The following ADAP1 variants were observed in gnomAD, a reference collection of about 807,000 sequenced individuals.
ADAP1 encodes ArfGAP with dual PH domains 1.
Under a neutral mutation model 54.9 loss-of-function variants are expected in ADAP1, and 31 were observed. That is an observed-to-expected ratio of 0.56 (90% CI 0.42 to 0.76). The LOEUF (loss-of-function observed/expected upper bound fraction) is 0.76. Among genes scored for constraint, ADAP1 ranks in the 30% least tolerant of loss-of-function variants. ADAP1 has a pLI of 0.00. For synonymous variants in ADAP1, 313 were observed against 202.6 expected, an observed-to-expected ratio of 1.55 and a Z score of -4.63; for missense variants, 535 against 512.4, an observed-to-expected ratio of 1.04 and a Z score of -0.42.
At position 920,783 on chromosome 7, in the gene ADAP1, C is replaced by A. The variant is rs767538097; in HGVS notation, c.306-733G>T. The A allele has an allele frequency of 6.5e-7, 1 of 1,549,642 alleles. No individual in the cohort carries two copies. The highest frequency in any genetic ancestry group is 8.7e-7 in the Non-Finnish European group (1 of 1,146,576). On this transcript the variant is annotated intron_variant, in intron 3 of 10. Coordinates refer to ENST00000265846, the MANE Select transcript of ADAP1 (RefSeq NM_006869.4). This position sits in a 1 kb window ranked among gnomAD's most constrained non-coding sequence, Gnocchi z 4.5. ...CGGCCTCCCCATCCACCGTGACTCACTCGAGTGAAGCCAATACCATTGCAG... is the reference window on the plus strand; with the variant it reads ...CGGCCTCCCCATCCACCGTGACTCAATCGAGTGAAGCCAATACCATTGCAG...
chr7:903,409 T>C (rs931778755), intron 6 of ADAP1, among the ~76,000 whole-genome samples: 4 of 152,112 alleles, frequency 2.6e-5, no homozygotes, highest in South Asian at 2.1e-4. Flanking sequence ...TATTTTTGGA[T>C]ATGGGGACCA....
intron 2 of ADAP1, among the ~76,000 whole-genome samples, chr7:928,051 CAAAA>C (rs5881886): frequency 3.5e-4 from 37 of 104,538 alleles, no homozygotes; most frequent in African/African-American, 1.1e-3. Context: ...CCCTGTCTCT[CAAAA>C]AAAAAAAAAA....
At chr7:905,330 A>C in intron 4 of ADAP1, 158 bp from the exon 5 acceptor site, 1 of 400,550 alleles carries the variant, frequency 2.5e-6, no homozygotes, top group South Asian at 2.7e-5. Context: ...GGGGACATGG[A>C]GGAGACAGGG....
intron 1 of ADAP1, among the ~76,000 whole-genome samples, chr7:944,255 C>CA (rs1847083218): frequency 7.4e-6 from 1 of 135,434 alleles, no homozygotes. Context: ...TATTTTTAAC[C>CA]TTTTTTTTTT....
Position 899,170 on chromosome 7 carries a change from T to G in ADAP1, c.959A>C (p.His320Pro). 1 of 1,612,094 alleles carries G rather than the reference T, an allele frequency of 6.2e-7. No individual in the cohort carries two copies. The highest frequency in any genetic ancestry group is 1.3e-5 in the African/African-American group (1 of 75,066). ...GACGATGGTGATGCCATGTGGCCAG[T>G]GGTGGCCCTGGGTGGACGGCGGGAA... ...HGFPPSTQGH[H>P]WPHGITIVTP... The change falls in exon 10 of 11, where the codon CAC becomes CCC. Residue 320 changes from histidine to proline, a missense_variant. Coordinates refer to ENST00000265846, the MANE Select transcript of ADAP1 (RefSeq NM_006869.4).
At chr7:939,306 G>A (rs1293220039) in intron 1 of ADAP1, among the ~76,000 whole-genome samples, 1 of 151,992 alleles carries the variant, frequency 6.6e-6, no homozygotes, top group East Asian at 2.0e-4. Flanking sequence ...TGCAACTTCT[G>A]CCTCCCAGGT....
At position 926,264 on chromosome 7, in the gene ADAP1, T is replaced by C. The variant is rs1463428937; in HGVS notation, c.305+289A>G. ...CGCCAGGAGCACCTGGGAGGGCCCC[T>C]CAGATCCACCCGAGACCCCCAAGGC... On this transcript the variant is annotated intron_variant, in intron 3 of 10. Coordinates refer to ENST00000265846, the MANE Select transcript of ADAP1 (RefSeq NM_006869.4). The surrounding 1 kb of genome is among the most constrained non-coding windows in gnomAD (Gnocchi z 4.6). 1.3e-5 allele frequency among the ~76,000 whole-genome samples: 2 copies of C among 150,376 alleles called. No homozygotes were observed. The highest frequency in any genetic ancestry group is 3.0e-5 in the Non-Finnish European group (2 of 67,508).
chr7:899,533 A>G, intron 8 of ADAP1, 43 bp from the exon 9 acceptor site: 2 of 1,594,230 alleles, frequency 1.3e-6, no homozygotes, highest in South Asian at 2.3e-5. Flanking sequence ...TCGCCGAGGC[A>G]GGCCCTACAT....
intron 3 of ADAP1, among the ~76,000 whole-genome samples, chr7:921,399 G>C (rs1395182439): frequency 6.6e-6 from 1 of 152,236 alleles, no homozygotes; most frequent in Non-Finnish European, 1.5e-5. Flanking sequence ...ACAGCTCAAC[G>C]CAGCCTCCAA....
At chr7:931,022 G>A (rs1375375017) in intron 2 of ADAP1, among the ~76,000 whole-genome samples, 2 of 150,868 alleles carry the variant, frequency 1.3e-5, no homozygotes, top group East Asian at 3.9e-4. Context: ...AGGAGGGTAG[G>A]GAGGGACGGA....
chr7:903,836 A>C, intron 6 of ADAP1: 2 of 344,420 alleles, frequency 5.8e-6, no homozygotes, highest in South Asian at 6.2e-5. Context: ...GACAGGGCCA[A>C]GCTGGGTGGC....
chr7:942,966 T>A (rs201109492), intron 1 of ADAP1, among the ~76,000 whole-genome samples: 86 of 6,094 alleles, frequency 0.014, no homozygotes, highest in East Asian at 0.053. Flanking sequence ...AGGAAGGGAG[T>A]GAGGAGGAGG....
At chr7:919,412 G>A (rs1040309159) in intron 4 of ADAP1, among the ~76,000 whole-genome samples, 10 of 151,996 alleles carry the variant, frequency 6.6e-5, no homozygotes, top group Non-Finnish European at 1.2e-4. Flanking sequence ...AGACAGCTGT[G>A]GCGACCCCAA....
At chr7:910,134 G>A (rs1386895856) in intron 4 of ADAP1, among the ~76,000 whole-genome samples, 1 of 152,222 alleles carries the variant, frequency 6.6e-6, no homozygotes, top group Non-Finnish European at 1.5e-5. Context: ...GGGGATGTAA[G>A]GTGCCCCAGT....
intron 4 of ADAP1, among the ~76,000 whole-genome samples, chr7:905,983 GGAAAGGA>G (rs1188942241): frequency 3.1e-4 from 3 of 9,794 alleles, no homozygotes; most frequent in Non-Finnish European, 1.1e-3. Context: ...AAGGAGAAAG[GGAAAGGA>G]GAAAGGAGAA....
intron 2 of ADAP1, 146 bp downstream of exon 2, chr7:935,229 G>A (rs972503026): frequency 8.7e-7 from 1 of 1,150,244 alleles, no homozygotes; most frequent in South Asian, 1.3e-5. Flanking sequence ...GAGGGGGCGG[G>A]GTCCTCGGGT....
chr7:912,878 T>C (rs1443175283), intron 4 of ADAP1, among the ~76,000 whole-genome samples: 3 of 152,114 alleles, frequency 2.0e-5, no homozygotes, highest in Non-Finnish European at 4.4e-5. Flanking sequence ...TAAGACAAGG[T>C]CTCTCTGTGG....
intron 1 of ADAP1, among the ~76,000 whole-genome samples, chr7:948,402 C>A (rs2128112539): frequency 6.6e-6 from 1 of 152,310 alleles, no homozygotes; most frequent in South Asian, 2.1e-4. Flanking sequence ...TCCCTCCCCG[C>A]CGGCCCATGG....
intron 2 of ADAP1, among the ~76,000 whole-genome samples, chr7:934,358 G>C (rs1177997581): frequency 2.0e-5 from 3 of 149,546 alleles, no homozygotes; most frequent in African/African-American, 7.4e-5. Context: ...AGTGGTCCTG[G>C]AGAGGGGGTG....
Sources: gnomAD v4.1 joint callset for allele counts (sites outside exome capture counted in the v4.1 genomes callset) on GRCh38, gnomAD v4.1.1 for gene constraint, Gnocchi (gnomAD v3.1) non-coding constraint, MANE v1.5 for transcripts, NCBI Gene and HGNC (gene_info 2026-07-23, HGNC 2026-07-21) for gene names.